The following PDE4B variants were observed in gnomAD, a reference collection of about 807,000 sequenced individuals.
PDE4B encodes the protein 3',5'-cyclic-AMP phosphodiesterase 4B.
PDE4B carries 20 observed loss-of-function variants against 82.2 expected under a neutral mutation model. The observed-to-expected ratio is 0.24, with a 90% CI of 0.17 to 0.35. The LOEUF is 0.35. PDE4B is among the 10% of genes least tolerant of loss of function. The pLI is 1.00. For missense variants in PDE4B, 655 were observed against 907.2 expected (o/e 0.72, Z 3.57); for synonymous variants, 320 against 318.9 (o/e 1.00, Z -0.04).
At chr1:65,840,564 G>A (rs375579851) in intron 1 of PDE4B, among the ~76,000 whole-genome samples, 1 of 152,044 alleles carries the variant, frequency 6.6e-6, no homozygotes, top group East Asian at 1.9e-4. Context: ...AGATTCAGTC[G>A]AGACAAATAG....
chr1:65,931,409 C>T (rs937735447), intron 3 of PDE4B, among the ~76,000 whole-genome samples: 1 of 152,102 alleles, frequency 6.6e-6, no homozygotes, highest in Non-Finnish European at 1.5e-5. Flanking sequence ...ACTGTCTTTA[C>T]AAAATATCCT....
At chr1:66,343,489 A>G (rs1419484609) in intron 8 of PDE4B, among the ~76,000 whole-genome samples, 1 of 152,182 alleles carries the variant, frequency 6.6e-6, no homozygotes, top group Non-Finnish European at 1.5e-5. Flanking sequence ...TTCAAAGGCC[A>G]TCCTCTTACC....
chr1:65,926,474 G>T (rs1043986687), intron 3 of PDE4B, among the ~76,000 whole-genome samples: 1 of 152,048 alleles, frequency 6.6e-6, no homozygotes, highest in African/African-American at 2.4e-5. Flanking sequence ...GCTCCTAAGG[G>T]CCTACTGGGA....
intron 7 of PDE4B, among the ~76,000 whole-genome samples, chr1:66,307,146 G>A (rs1658338031): frequency 6.6e-6 from 1 of 152,062 alleles, no homozygotes; most frequent in Non-Finnish European, 1.5e-5. Flanking sequence ...AGTGCAGAGT[G>A]AGGAGCTGGT....
intron 3 of PDE4B, among the ~76,000 whole-genome samples, chr1:66,213,509 T>A (rs768179231): frequency 4.6e-5 from 7 of 152,208 alleles, no homozygotes; most frequent in Non-Finnish European, 7.3e-5. Context: ...CTATAATCAC[T>A]TTTACTGCAA....
intron 7 of PDE4B, among the ~76,000 whole-genome samples, chr1:66,314,492 A>G (rs188347909): frequency 6.6e-4 from 101 of 152,214 alleles, no homozygotes; most frequent in African/African-American, 1.7e-3. Context: ...GGCTCACTGC[A>G]ACCTCTGTCT....
intron 3 of PDE4B, among the ~76,000 whole-genome samples, chr1:66,094,070 A>G (rs545868356): frequency 6.6e-6 from 1 of 152,226 alleles, no homozygotes; most frequent in Non-Finnish European, 1.5e-5. Flanking sequence ...TCAGGCAGCA[A>G]GAAATAATAT....
At chr1:66,023,239 G>A (rs1203303018) in intron 3 of PDE4B, among the ~76,000 whole-genome samples, 6 of 152,140 alleles carry the variant, frequency 3.9e-5, no homozygotes, top group African/African-American at 1.4e-4. Flanking sequence ...TGCTGTGTTA[G>A]GCTGTGTGGT....
chr1:66,366,809 G>A (rs1570789156), intron 13 of PDE4B, among the ~76,000 whole-genome samples: 1 of 152,192 alleles, frequency 6.6e-6, no homozygotes, highest in Non-Finnish European at 1.5e-5. Context: ...AAGCCTGCTT[G>A]TAGATCTGTG....
chr1:66,050,981 A>C (rs142512359), intron 3 of PDE4B, among the ~76,000 whole-genome samples: 1 of 152,116 alleles, frequency 6.6e-6, no homozygotes, highest in Non-Finnish European at 1.5e-5. Flanking sequence ...AGGAATCTAG[A>C]CACAGAAAAT....
chr1:66,002,494 A>G (rs1005505552), intron 3 of PDE4B, among the ~76,000 whole-genome samples: 3 of 152,044 alleles, frequency 2.0e-5, no homozygotes, highest in African/African-American at 7.2e-5. Flanking sequence ...ATTTCTTAAA[A>G]TGGTTTCTAA....
At chr1:65,847,249 A>C (rs1646277755) in intron 1 of PDE4B, among the ~76,000 whole-genome samples, 1 of 152,224 alleles carries the variant, frequency 6.6e-6, no homozygotes, top group African/African-American at 2.4e-5. Flanking sequence ...TTTGAGCCCC[A>C]CAACAACTTC....
intron 3 of PDE4B, among the ~76,000 whole-genome samples, chr1:65,947,569 T>C (rs1455751573): frequency 3.9e-5 from 6 of 152,004 alleles, no homozygotes; most frequent in African/African-American, 1.4e-4. Context: ...ATGCAGATAT[T>C]ATTAGTTAAG....
intron 3 of PDE4B, among the ~76,000 whole-genome samples, chr1:66,091,607 C>T (rs1209577261): frequency 6.6e-6 from 1 of 152,010 alleles, no homozygotes; most frequent in Admixed American, 6.6e-5. Flanking sequence ...CATGCTTAGA[C>T]ATATCCAGCA....
chr1:66,331,890 G>A (rs1660138903), intron 7 of PDE4B: 1 of 986,698 alleles, frequency 1.0e-6, no homozygotes, highest in Non-Finnish European at 1.2e-6. Context: ...GGGAGAGAAA[G>A]GAATAGCCTA....
At chr1:65,801,319 A>ATAAACC (rs891053036) in intron 1 of PDE4B, among the ~76,000 whole-genome samples, 1 of 152,230 alleles carries the variant, frequency 6.6e-6, no homozygotes, top group African/African-American at 2.4e-5. Flanking sequence ...TGAGAAAAAT[A>ATAAACC]TAAACCCCTT....
chr1:66,293,949 T>C (rs1657302735), intron 7 of PDE4B, among the ~76,000 whole-genome samples: 1 of 152,210 alleles, frequency 6.6e-6, no homozygotes. Context: ...CTCATGCCTG[T>C]AATCCCAGCA....
intron 3 of PDE4B, among the ~76,000 whole-genome samples, chr1:66,146,571 C>T (rs2101171106): frequency 1.3e-5 from 2 of 152,236 alleles, no homozygotes; most frequent in Non-Finnish European, 2.9e-5. Flanking sequence ...CACAACTCCA[C>T]TGTTCAAATC....
chr1:66,185,776 T>A (rs1271785606), intron 3 of PDE4B, among the ~76,000 whole-genome samples: 1 of 151,948 alleles, frequency 6.6e-6, no homozygotes, highest in African/African-American at 2.4e-5. Flanking sequence ...TTTCTCCCAT[T>A]CTGTAGGTTG....
Sources: allele counts gnomAD v4.1 joint callset (sites outside exome capture counted in the v4.1 genomes callset), GRCh38; gene constraint gnomAD v4.1.1; transcripts MANE v1.5; gene names NCBI Gene and HGNC (gene_info 2026-07-23, HGNC 2026-07-21).